The following ATP10B variants were observed in gnomAD, a reference collection of about 807,000 sequenced individuals.
ATP10B encodes phospholipid-transporting ATPase VB.
In ATP10B, 122 loss-of-function variants were observed where a neutral mutation model predicts 141.2. The observed-to-expected ratio is 0.86, with a 90% confidence interval of 0.75 to 1.00. The LOEUF (loss-of-function observed/expected upper bound fraction) is 1.00. Ranked by LOEUF, ATP10B falls within the 50% of genes least tolerant of loss-of-function variation. The pLI, the probability that ATP10B is intolerant of heterozygous loss-of-function variation, is 0.00. For synonymous variants in ATP10B, 685 were observed against 692.0 expected, an observed-to-expected ratio of 0.99 and a Z score of 0.16; for missense variants, 1,876 against 1,825.3, an observed-to-expected ratio of 1.03 and a Z score of -0.51.
chr5:160,874,264 AG>A, the ATP10B span, among the ~76,000 whole-genome samples: 1 of 62,308 alleles, frequency 1.6e-5, no homozygotes, highest in Non-Finnish European at 4.6e-5. Context: ...GGCACCCCCC[AG>A]GAGGGTACAC....
intron 7 of ATP10B, among the ~76,000 whole-genome samples, chr5:160,653,639 CATATATATTATATAT>C (rs1761154099): frequency 4.2e-5 from 3 of 70,642 alleles, no homozygotes; most frequent in South Asian, 5.4e-4. Flanking sequence ...TACATATATA[CATATATATTATATAT>C]ACATATATAC....
intron 1 of ATP10B, among the ~76,000 whole-genome samples, chr5:160,822,236 C>G (rs1445906126): frequency 2.0e-5 from 3 of 151,826 alleles, no homozygotes; most frequent in Non-Finnish European, 4.4e-5. Context: ...AGAAAACATA[C>G]CAATGGCAAA....
the ATP10B span, among the ~76,000 whole-genome samples, chr5:160,915,952 T>C: frequency 6.6e-6 from 1 of 152,176 alleles, no homozygotes; most frequent in South Asian, 2.1e-4. Context: ...CACTGAATTA[T>C]TTGCATTCCC....
At chr5:160,856,618 A>C (rs1754005835), upstream of ATP10B, among the ~76,000 whole-genome samples, 1 of 151,814 alleles carries the variant, frequency 6.6e-6, no homozygotes. Context: ...TGTCACTAAT[A>C]AGTATAATGT....
intron 1 of ATP10B, among the ~76,000 whole-genome samples, chr5:160,833,580 G>A (rs1196636176): frequency 6.6e-6 from 1 of 152,094 alleles, no homozygotes; most frequent in African/African-American, 2.4e-5. Flanking sequence ...GGAAAAGTTG[G>A]TTCATAATCA....
the ATP10B span, among the ~76,000 whole-genome samples, chr5:160,920,886 G>T: frequency 1.3e-5 from 2 of 152,166 alleles, no homozygotes; most frequent in African/African-American, 4.8e-5. Context: ...GGAGTCTAGG[G>T]CGTAGTCAAA....
At chr5:160,745,179 GAACACCAGCCCATTCT>G (rs1311375457) in intron 2 of ATP10B, among the ~76,000 whole-genome samples, 4 of 152,160 alleles carry the variant, frequency 2.6e-5, no homozygotes, top group African/African-American at 9.7e-5. Context: ...AAAACATGAT[GAACACCAGCCCATTCT>G]ATTTTCTATG....
At chr5:160,812,778 G>A (rs1380559975) in intron 1 of ATP10B, among the ~76,000 whole-genome samples, 2 of 152,004 alleles carry the variant, frequency 1.3e-5, no homozygotes, top group East Asian at 3.9e-4. Flanking sequence ...GTTTCAAAAG[G>A]GCAAATCTAA....
chr5:160,689,894 G>A (rs1763971242), intron 3 of ATP10B, among the ~76,000 whole-genome samples: 1 of 151,936 alleles, frequency 6.6e-6, no homozygotes, highest in African/African-American at 2.4e-5. Flanking sequence ...AGCCCATATA[G>A]CCAAGGCAAT....
At chr5:160,783,193 C>T (rs1357936101) in intron 2 of ATP10B, among the ~76,000 whole-genome samples, 1 of 151,562 alleles carries the variant, frequency 6.6e-6, no homozygotes, top group African/African-American at 2.4e-5. Flanking sequence ...CCCAAGTCCC[C>T]AAAGTCCATT....
At chr5:160,736,908 T>C (rs2127801553) in intron 2 of ATP10B, among the ~76,000 whole-genome samples, 1 of 152,348 alleles carries the variant, frequency 6.6e-6, no homozygotes, top group South Asian at 2.1e-4. Context: ...ACTCATTCTA[T>C]GAGGCCAATA....
At position 160,640,464 on chromosome 5, in the gene ATP10B, C is replaced by T. The variant is rs749992164; in HGVS notation, c.997G>A (p.Val333Ile). ...ILILMCLIGA[V>I]GHSIWNGTFE... ...TTCTTTCCAGAACATCCCATACCTA[C>T]AGCTCCAATAAGGCACATGAGGATG... The change falls in exon 10 of 26, where the codon GTA (valine) becomes ATA (isoleucine). Residue 333 changes from valine (V) to isoleucine (I), a missense_variant. Transcript: ENST00000327245. 98 of 1,613,838 alleles carry T rather than the reference C, an allele frequency of 6.1e-5. No individual in the cohort carries two copies. Among genetic ancestry groups the T allele is most frequent in the Non-Finnish European group, 8.0e-5 (94 of 1,179,900 alleles).
At chr5:160,731,001 A>G (rs552885249) in intron 2 of ATP10B, among the ~76,000 whole-genome samples, 1 of 152,174 alleles carries the variant, frequency 6.6e-6, no homozygotes, top group Non-Finnish European at 1.5e-5. Context: ...GTAAGACCCC[A>G]TTAACCTTCC....
At chr5:160,709,079 A>T (rs996056979) in intron 3 of ATP10B, among the ~76,000 whole-genome samples, 20 of 152,216 alleles carry the variant, frequency 1.3e-4, no homozygotes, top group African/African-American at 4.8e-4. Flanking sequence ...TATACCAATG[A>T]CAACAAAAAC....
intron 8 of ATP10B, among the ~76,000 whole-genome samples, chr5:160,644,558 T>G (rs1039048360): frequency 7.2e-5 from 11 of 152,128 alleles, no homozygotes; most frequent in African/African-American, 2.4e-4. Flanking sequence ...ATTCAAAATG[T>G]TTTTATGCAG....
chr5:160,800,456 G>C (rs992202499), intron 1 of ATP10B, among the ~76,000 whole-genome samples: 2 of 152,206 alleles, frequency 1.3e-5, no homozygotes, highest in African/African-American at 4.8e-5. Flanking sequence ...TTGAAAAGCA[G>C]AGAAGTCAGA....
At chr5:160,682,569 T>C (rs1763470318) in intron 6 of ATP10B, among the ~76,000 whole-genome samples, 1 of 152,152 alleles carries the variant, frequency 6.6e-6, no homozygotes, top group South Asian at 2.1e-4. Context: ...AACCAGGCCA[T>C]GATTCTGCGA....
At chr5:160,858,124 GTTT>G in the ATP10B span, among the ~76,000 whole-genome samples, 1 of 151,666 alleles carries the variant, frequency 6.6e-6, no homozygotes, top group Non-Finnish European at 1.5e-5. Context: ...AGTCATATTG[GTTT>G]TTGTTTTACA....
At chr5:160,666,619 C>T (rs1762332842) in intron 7 of ATP10B, among the ~76,000 whole-genome samples, 1 of 152,188 alleles carries the variant, frequency 6.6e-6, no homozygotes, top group Admixed American at 6.5e-5. Flanking sequence ...TTGCAACTCT[C>T]ATCAACATGT....
Sources: gnomAD v4.1 joint callset for allele counts (sites outside exome capture counted in the v4.1 genomes callset) on GRCh38, gnomAD v4.1.1 for gene constraint, MANE v1.5 for transcripts, NCBI Gene and HGNC (gene_info 2026-07-23, HGNC 2026-07-21) for gene names.